Variants in SF3B3 observed in about 807,000 individuals in gnomAD.
The protein encoded by SF3B3 is SAP 130.
Under a neutral mutation model 139.2 loss-of-function variants are expected in SF3B3, and 33 were observed. That is an observed-to-expected ratio of 0.24 (90% CI 0.18 to 0.32). The LOEUF is 0.32. Among genes scored for constraint, SF3B3 ranks in the 10% least tolerant of loss-of-function variants. The pLI, the probability that SF3B3 is intolerant of heterozygous loss-of-function variation, is 1.00. For missense variants in SF3B3, 818 were observed against 1,509.4 expected (o/e 0.54, Z 7.59); for synonymous variants, 596 against 563.6 (o/e 1.06, Z -0.81).
At chr16:70,542,137 A>AT (rs2050224565) in intron 9 of SF3B3, among the ~76,000 whole-genome samples, 2 of 151,996 alleles carry the variant, frequency 1.3e-5, no homozygotes, top group African/African-American at 4.8e-5. Flanking sequence ...TGTCCGCTCC[A>AT]TTGAGCCATA....
intron 11 of SF3B3, among the ~76,000 whole-genome samples, chr16:70,551,098 C>T (rs2050320321): frequency 6.6e-6 from 1 of 152,134 alleles, no homozygotes; most frequent in East Asian, 1.9e-4. Context: ...GTTACTTGAG[C>T]TTCAGGTATC....
chr16:70,547,948 G>A (rs569407265), intron 10 of SF3B3, among the ~76,000 whole-genome samples: 175 of 152,274 alleles, frequency 1.1e-3, no homozygotes, highest in Non-Finnish European at 2.1e-3. Flanking sequence ...CAGCCAAGGG[G>A]ATAAGGGAAT....
At chr16:70,559,293 A>T (rs2050406301) in intron 15 of SF3B3, among the ~76,000 whole-genome samples, 1 of 152,214 alleles carries the variant, frequency 6.6e-6, no homozygotes, top group Non-Finnish European at 1.5e-5. Flanking sequence ...AAAAGGATAA[A>T]TAATTTTTTT....
chr16:70,528,547 C>T (rs975024611), intron 2 of SF3B3, among the ~76,000 whole-genome samples: 14 of 149,288 alleles, frequency 9.4e-5, no homozygotes, highest in Non-Finnish European at 1.9e-4. Flanking sequence ...TTATAACCCA[C>T]TACATTCTCT....
chr16:70,535,949 C>G (rs1029463929), intron 6 of SF3B3, among the ~76,000 whole-genome samples: 1 of 151,996 alleles, frequency 6.6e-6, no homozygotes, highest in African/African-American at 2.4e-5. Context: ...CATTATGATG[C>G]CTCACTCCAG....
chr16:70,572,141 A>G lies in SF3B3; in HGVS notation c.*328A>G, dbSNP rs773505004. On this transcript the variant is annotated 3_prime_UTR_variant, in exon 26 of 26. Coordinates refer to ENST00000302516, the MANE Select transcript of SF3B3 (RefSeq NM_012426.5). ...CTGTCTACTTTTGCACACACCCTTA[A>G]TTTTTAATTGGTTTTCTTGTAAATA... 4 of 513,956 alleles carry G rather than the reference A, an allele frequency of 7.8e-6. No individual in the cohort carries two copies. Among genetic ancestry groups the G allele is most frequent in the Non-Finnish European group, 1.5e-5 (4 of 265,034 alleles). The allele number at this position is 513,956 out of a possible 1,614,324, so 31.8% of individuals were successfully genotyped here.
At position 70,565,262 on chromosome 16, in the gene SF3B3, A is replaced by G. The variant is rs2050464401; in HGVS notation, c.2661A>G (p.Ala887=). 1.2e-6 allele frequency: 2 copies of G among 1,614,090 alleles called. No homozygotes were observed. Among genetic ancestry groups the G allele is most frequent in the African/African-American group, 2.7e-5 (2 of 74,926 alleles). The change falls in exon 19 of 26, where the codon GCA becomes GCG. Residue 887 remains alanine, a synonymous_variant. Coordinates refer to ENST00000302516, the MANE Select transcript of SF3B3 (RefSeq NM_012426.5). The stretch of plus-strand genomic sequence containing the variant: ...TTGTCCAGCTGGAACAGAATGAGGC[A>G]GCTTTTAGGTAAGCAGCCCAGGACA... ...LDLVQLEQNE[A]AFSVAVCRFS...
At chr16:70,540,145 A>G (rs986766800) in intron 8 of SF3B3, among the ~76,000 whole-genome samples, 5 of 149,052 alleles carry the variant, frequency 3.4e-5, no homozygotes, top group Non-Finnish European at 7.4e-5. Context: ...CTGTAATCCA[A>G]GCACTTTGGG....
intron 18 of SF3B3, among the ~76,000 whole-genome samples, 193 bp from the exon 19 acceptor site, chr16:70,564,872 T>C (rs973568302): frequency 6.6e-6 from 1 of 152,230 alleles, no homozygotes; most frequent in South Asian, 2.1e-4. Context: ...GGATTTCCCT[T>C]TCTGATCTTC....
At chr16:70,570,254 G>A in intron 24 of SF3B3, 105 bp downstream of exon 24, 1 of 1,119,226 alleles carries the variant, frequency 8.9e-7, no homozygotes, top group Non-Finnish European at 1.3e-6. Flanking sequence ...AATTAATAAT[G>A]TTCTGGGAAT....
intron 5 of SF3B3, among the ~76,000 whole-genome samples, chr16:70,533,470 A>G (rs2050139990): frequency 6.6e-6 from 1 of 152,262 alleles, no homozygotes. Context: ...TTTGCAGGCT[A>G]GTTCATACGG....
chr16:70,549,037 G>A (rs943371039), intron 11 of SF3B3, among the ~76,000 whole-genome samples: 15 of 152,194 alleles, frequency 9.9e-5, no homozygotes, highest in Admixed American at 9.8e-4. Flanking sequence ...ATAGGAGAAT[G>A]CCTAGTAGTT....
intron 14 of SF3B3, chr16:70,556,618 G>A: frequency 1.7e-6 from 1 of 593,928 alleles, no homozygotes. Flanking sequence ...CTTGCTGCAG[G>A]ACCCTAGGTG....
At chr16:70,537,131 C>T (rs1293959826) in intron 6 of SF3B3, among the ~76,000 whole-genome samples, 1 of 152,114 alleles carries the variant, frequency 6.6e-6, no homozygotes, top group African/African-American at 2.4e-5. Flanking sequence ...TATAGTCTGT[C>T]CCATAGTTTG....
intron 5 of SF3B3, among the ~76,000 whole-genome samples, chr16:70,534,849 A>AG (rs2050151780): frequency 6.6e-6 from 1 of 152,002 alleles, no homozygotes; most frequent in African/African-American, 2.4e-5. Flanking sequence ...TTGTAGTTTT[A>AG]GTAGAGACGG....
chr16:70,573,948 AG>A lies in SF3B3; in HGVS notation c.*2141del, dbSNP rs1309400002. On this transcript the variant is annotated 3_prime_UTR_variant, in exon 26 of 26. Coordinates refer to ENST00000302516, the MANE Select transcript of SF3B3 (RefSeq NM_012426.5). The stretch of plus-strand genomic sequence containing the variant: ...GCCAAGAATAGCATTCCTTTGGAGG[AG>A]GGGGGTTCTAGTTGGAATGTTGCTT... 2.0e-5 allele frequency: 3 copies of A among 152,192 alleles called. No individual in the cohort carries two copies. The East Asian group carries it at 5.8e-4, about 29-fold the overall frequency. 9.4% of individuals were successfully genotyped at this position (152,192 alleles called of 1,614,324 possible). A position where few individuals can be genotyped will look rare whatever the true frequency, so the allele number is the denominator to read the frequency against.
intron 17 of SF3B3, among the ~76,000 whole-genome samples, chr16:70,562,125 G>A (rs2050434642): frequency 1.3e-5 from 2 of 152,286 alleles, no homozygotes; most frequent in East Asian, 1.9e-4. Flanking sequence ...TTCTTACTCT[G>A]TCTTGTCATT....
At chr16:70,560,354 A>C (rs1237793336) in intron 15 of SF3B3, 115 bp from the exon 16 acceptor site, 5 of 1,088,126 alleles carry the variant, frequency 4.6e-6, no homozygotes, top group Admixed American at 2.7e-5. Context: ...TAAACACCCA[A>C]GTCATTTCTT....
At position 70,556,909 on chromosome 16, in the gene SF3B3, G is replaced by A. The variant is rs1381973456; in HGVS notation, c.1890G>A (p.Met630Ile). 6.2e-7 allele frequency: 1 copy of A among 1,614,054 alleles called. No individual in the cohort carries two copies. Among genetic ancestry groups the A allele is most frequent in the Non-Finnish European group, 8.5e-7 (1 of 1,180,004 alleles). ...AGGACTGTTTGCAACCTCTAAGCAT[G>A]CAGGCTCTCCCAGCCCAGCCTGAGT... Reference protein sequence around the residue: ...DPSDCLQPLSMQALPAQPESL... With the variant: ...DPSDCLQPLSIQALPAQPESL... Residue 630 changes from methionine (M) to isoleucine (I), a missense_variant, in exon 15 of 26, where the codon ATG (methionine) becomes ATA (isoleucine). Physicochemically the swap from Met to Ile is conservative, Grantham distance 10. Around this residue, in one of 14 missense-constraint regions of SF3B3, gnomAD observed 170 missense variants for 353.0 expected, o/e 0.48. Transcript: ENST00000302516.
Sources: gnomAD v4.1 joint callset for allele counts (sites outside exome capture counted in the v4.1 genomes callset) on GRCh38, gnomAD v4.1.1 for gene constraint, gnomAD v4.1.1 regional missense constraint, MANE v1.5 for transcripts, NCBI Gene and HGNC (gene_info 2026-07-23, HGNC 2026-07-21) for gene names.